Variants in EXOC4 observed in about 807,000 individuals in gnomAD.
The protein encoded by EXOC4 is exocyst complex component 4, also known as SEC8-like 1.
In EXOC4, 71 loss-of-function variants were observed where a neutral mutation model predicts 107.2. The ratio of observed to expected loss-of-function variants is 0.66; its 90% CI spans 0.55 to 0.81. The LOEUF is 0.81. Among genes scored for constraint, EXOC4 ranks in the 30% least tolerant of loss-of-function variants. The pLI, the probability that EXOC4 is intolerant of heterozygous loss-of-function variation, is 0.00. For missense variants in EXOC4, 1,108 were observed against 1,189.6 expected (o/e 0.93, Z 1.01); for synonymous variants, 456 against 441.2 (o/e 1.03, Z -0.42).
At chr7:134,067,329 T>C (rs550608184), downstream of EXOC4, among the ~76,000 whole-genome samples, 1 of 151,422 alleles carries the variant, frequency 6.6e-6, no homozygotes, top group East Asian at 1.9e-4. Flanking sequence ...GTAGGAGGGG[T>C]CCTGAGATGG....
intron 11 of EXOC4, among the ~76,000 whole-genome samples, chr7:133,894,382 C>A (rs1176890631): frequency 2.1e-5 from 3 of 141,646 alleles, no homozygotes; most frequent in African/African-American, 8.5e-5. Context: ...GAATGTCCTC[C>A]CGTAGCTCAG....
At chr7:133,886,404 T>C (rs971976338) in intron 11 of EXOC4, among the ~76,000 whole-genome samples, 1 of 152,198 alleles carries the variant, frequency 6.6e-6, no homozygotes, top group African/African-American at 2.4e-5. Flanking sequence ...ATTCATTCAC[T>C]GATTAAATTT....
rs35579992 is a variant in EXOC4, at chr7:134,042,477, G to GA, written c.2688-21801dup. Among the ~76,000 whole-genome samples, 68 of 145,290 alleles carry GA rather than the reference G, an allele frequency of 4.7e-4. 1 individual carries two copies. Among genetic ancestry groups the GA allele is most frequent in the Middle Eastern group, 3.5e-3 (1 of 286 alleles). On this transcript the variant is annotated intron_variant, in intron 17 of 17. Coordinates refer to ENST00000253861, the MANE Select transcript of EXOC4 (RefSeq NM_021807.4). ...GATTGAGTGACACAGAGCATGCTAG[G>GA]AAAAAAAAAAAAAGGAAAGTGAAAG...
At chr7:133,274,052 C>A (rs919469838) in intron 1 of EXOC4, among the ~76,000 whole-genome samples, 6 of 152,086 alleles carry the variant, frequency 3.9e-5, no homozygotes, top group Admixed American at 3.9e-4. Flanking sequence ...AAACAAAGAT[C>A]TGTGGTCCAT....
intron 7 of EXOC4, among the ~76,000 whole-genome samples, chr7:133,421,569 G>C (rs1040136286): frequency 6.6e-6 from 1 of 152,160 alleles, no homozygotes; most frequent in Non-Finnish European, 1.5e-5. Context: ...CCACTGCTGG[G>C]GGCCTGTCTG....
intron 9 of EXOC4, chr7:133,480,366 G>A (rs375519090): frequency 2.2e-6 from 3 of 1,346,012 alleles, no homozygotes; most frequent in South Asian, 1.6e-5. Context: ...GGAATTCAAA[G>A]CAAAAAGAGA....
At position 133,749,988 on chromosome 7, in the gene EXOC4, C is replaced by G. The variant is rs544810149; in HGVS notation, c.1515-67337C>G. The stretch of plus-strand genomic sequence containing the variant: ...TTTTTTTTTTTTTTTTTTTTTTTAA[C>G]CAGTGGATTTTGGTGCCATGAACTC... On this transcript the variant is annotated intron_variant, in intron 10 of 17. Transcript: ENST00000253861. 4.9e-4 allele frequency among the ~76,000 whole-genome samples: 49 copies of G among 100,644 alleles called. No individual in the cohort carries two copies. In the East Asian group the frequency reaches 0.015, roughly 31 times the overall value. 66.0% of individuals were successfully genotyped at this position (100,644 alleles called of 152,430 possible).
chr7:133,460,488 C>T (rs549921915), intron 7 of EXOC4, among the ~76,000 whole-genome samples: 4 of 152,090 alleles, frequency 2.6e-5, no homozygotes, highest in Non-Finnish European at 4.4e-5. Flanking sequence ...AAGTGTAGTG[C>T]GTAAATAAAA....
the EXOC4 span, among the ~76,000 whole-genome samples, chr7:134,082,238 G>C: frequency 1.3e-5 from 2 of 152,108 alleles, no homozygotes; most frequent in African/African-American, 4.8e-5. Flanking sequence ...TTATTCATGA[G>C]TTTTCTTGGA....
intron 7 of EXOC4, among the ~76,000 whole-genome samples, chr7:133,384,861 G>C (rs998243899): frequency 3.8e-4 from 57 of 150,452 alleles, no homozygotes; most frequent in African/African-American, 1.4e-3. Context: ...GGTGGCTTAA[G>C]ACATCAACCA....
intron 10 of EXOC4, among the ~76,000 whole-genome samples, chr7:133,651,201 A>C (rs1423446599): frequency 1.3e-5 from 2 of 152,116 alleles, no homozygotes; most frequent in Non-Finnish European, 2.9e-5. Flanking sequence ...GATTGACAGC[A>C]TGTGTAGCGC....
intron 9 of EXOC4, among the ~76,000 whole-genome samples, chr7:133,500,458 G>A (rs911545255): frequency 3.3e-5 from 5 of 152,254 alleles, no homozygotes; most frequent in South Asian, 2.1e-4. Flanking sequence ...CCGCAGTGTT[G>A]CATTCTTCAG....
At chr7:133,775,246 G>T (rs1314348776) in intron 10 of EXOC4, among the ~76,000 whole-genome samples, 1 of 152,124 alleles carries the variant, frequency 6.6e-6, no homozygotes, top group Non-Finnish European at 1.5e-5. Flanking sequence ...ATCTTTGGGG[G>T]AAAAGGAGTA....
At chr7:133,357,675 AAAT>A (rs1796051988) in intron 6 of EXOC4, among the ~76,000 whole-genome samples, 1 of 152,216 alleles carries the variant, frequency 6.6e-6, no homozygotes. Context: ...AATTAAGGAG[AAAT>A]AATAACTCAT....
intron 9 of EXOC4, among the ~76,000 whole-genome samples, chr7:133,590,703 C>G (rs1413163356): frequency 6.6e-6 from 1 of 152,156 alleles, no homozygotes; most frequent in African/African-American, 2.4e-5. Context: ...GGAAGACCAC[C>G]TTTCCACTGC....
At chr7:133,690,509 T>C (rs1320764274) in intron 10 of EXOC4, among the ~76,000 whole-genome samples, 1 of 152,164 alleles carries the variant, frequency 6.6e-6, no homozygotes, top group African/African-American at 2.4e-5. Flanking sequence ...TCATTCCTGC[T>C]CTAGGCTTTT....
chr7:133,275,250 G>T, intron 2 of EXOC4, 79 bp downstream of exon 2: 7 of 1,133,730 alleles, frequency 6.2e-6, no homozygotes, highest in Non-Finnish European at 8.4e-6. Context: ...AGCCATGGTA[G>T]TGGCTAATGG....
At chr7:134,073,318 T>C in the EXOC4 span, among the ~76,000 whole-genome samples, 7 of 144,964 alleles carry the variant, frequency 4.8e-5, no homozygotes, top group Non-Finnish European at 1.0e-4. Context: ...CCCAGAACCA[T>C]CCATCCTCAT....
chr7:133,893,543 A>C (rs1361169678), intron 11 of EXOC4, among the ~76,000 whole-genome samples: 1 of 63,862 alleles, frequency 1.6e-5, no homozygotes, highest in Admixed American at 1.2e-4. Flanking sequence ...ACATTTTGGC[A>C]TGATTTTGCA....
Sources: allele counts gnomAD v4.1 joint callset (sites outside exome capture counted in the v4.1 genomes callset), GRCh38; gene constraint gnomAD v4.1.1; transcripts MANE v1.5; gene names NCBI Gene and HGNC (gene_info 2026-07-23, HGNC 2026-07-21).